Variants in RBPJ observed in about 807,000 individuals in gnomAD.
RBPJ encodes recombining binding protein suppressor of hairless.
In RBPJ, 9 loss-of-function variants were observed where a neutral mutation model predicts 67.8. The ratio of observed to expected loss-of-function variants is 0.13; its 90% CI spans 0.08 to 0.23. RBPJ has a LOEUF of 0.23. RBPJ is among the 10% of genes least tolerant of loss of function. The probability of loss-of-function intolerance (pLI) is 1.00; values close to 1 mark genes in which losing one functional copy is unlikely to be tolerated. For synonymous variants in RBPJ, 198 were observed against 203.3 expected (o/e 0.97, Z 0.22); for missense variants, 305 against 595.6 (o/e 0.51, Z 5.08).
chr4:26,215,876 G>C (rs1718708516), intron 1 of RBPJ, among the ~76,000 whole-genome samples: 1 of 152,150 alleles, frequency 6.6e-6, no homozygotes, highest in Admixed American at 6.6e-5. Context: ...CACATTGGGG[G>C]TGAGGGGCAT....
chr4:26,220,513 C>G (rs1718865865), intron 1 of RBPJ, among the ~76,000 whole-genome samples: 1 of 152,090 alleles, frequency 6.6e-6, no homozygotes, highest in Admixed American at 6.5e-5. Flanking sequence ...AATCCATGCC[C>G]GGACAGAGTT....
chr4:26,299,146 T>G (rs1721984824), intron 1 of RBPJ, among the ~76,000 whole-genome samples: 1 of 152,310 alleles, frequency 6.6e-6, no homozygotes, highest in Non-Finnish European at 1.5e-5. Flanking sequence ...CAGAGCCAAC[T>G]AAGAAGATGG....
At chr4:26,335,870 GC>G (rs1424456223) in intron 1 of RBPJ, among the ~76,000 whole-genome samples, 1 of 151,624 alleles carries the variant, frequency 6.6e-6, no homozygotes, top group Admixed American at 6.6e-5. Context: ...TGATCCACCC[GC>G]CTCGGCCTCC....
the RBPJ span, chr4:26,113,450 CT>C: frequency 1.8e-6 from 1 of 552,724 alleles, no homozygotes; most frequent in Non-Finnish European, 3.5e-6. Flanking sequence ...GAAACCACAC[CT>C]TACCAACCAT....
At chr4:26,250,090 G>A (rs536895628) in intron 1 of RBPJ, among the ~76,000 whole-genome samples, 2 of 150,390 alleles carry the variant, frequency 1.3e-5, no homozygotes, top group East Asian at 2.0e-4. Flanking sequence ...CTGGCCTTCC[G>A]AACTTTTTCA....
intron 1 of RBPJ, among the ~76,000 whole-genome samples, chr4:26,256,854 G>A (rs10025146): frequency 0.95 from 145,260 of 152,320 alleles, 69,329 homozygotes; most frequent in East Asian, 0.99. Context: ...AGAAAGATCA[G>A]ATGACCAGGC....
rs529888536 is a variant in RBPJ at position 26,264,666 on chromosome 4, G to C, written c.-166-97780G>C. Among the ~76,000 whole-genome samples, 17 of 152,138 alleles carry C rather than the reference G, an allele frequency of 1.1e-4. No individual in the cohort carries two copies. In the South Asian group the frequency reaches 2.9e-3, roughly 26 times the overall value. ...TAGCCACACTGAAACACTGGCACTC[G>C]TCCCAAAAGCACCATGCCCTTGACC... is the stretch of plus-strand genomic sequence containing the variant. On this transcript the variant is annotated intron_variant, in intron 1 of 4. Coordinates refer to the RBPJ transcript ENST00000512351. The surrounding 1 kb of genome is among the most constrained non-coding windows in gnomAD (Gnocchi z 4.1).
intron 1 of RBPJ, among the ~76,000 whole-genome samples, chr4:26,338,250 G>C (rs533504810): frequency 1.3e-5 from 2 of 150,526 alleles, no homozygotes; most frequent in African/African-American, 4.9e-5. Flanking sequence ...CTGCCTCCCG[G>C]ATTCAAGCAA....
chr4:26,131,375 T>C, the RBPJ span, among the ~76,000 whole-genome samples: 65 of 152,124 alleles, frequency 4.3e-4, 1 homozygote, highest in East Asian at 7.5e-3. Flanking sequence ...AAAGAGAAAA[T>C]ATCAAGTATT....
At chr4:26,126,922 G>C in the RBPJ span, among the ~76,000 whole-genome samples, 1 of 152,220 alleles carries the variant, frequency 6.6e-6, no homozygotes, top group East Asian at 1.9e-4. Flanking sequence ...CATGGACTGA[G>C]CTTAAAAGGT....
intron 1 of RBPJ, among the ~76,000 whole-genome samples, chr4:26,359,173 G>A (rs1727736292): frequency 6.6e-6 from 1 of 152,086 alleles, no homozygotes; most frequent in African/African-American, 2.4e-5. Flanking sequence ...TTTATTAAAT[G>A]TATTTTAAAA....
At chr4:26,231,075 A>G (rs1399483291) in intron 1 of RBPJ, among the ~76,000 whole-genome samples, 2 of 152,176 alleles carry the variant, frequency 1.3e-5, no homozygotes, top group Non-Finnish European at 2.9e-5. Flanking sequence ...ATGTGGAGGT[A>G]GAAGAAACAG....
chr4:26,338,881 G>C (rs1483674162), intron 1 of RBPJ, among the ~76,000 whole-genome samples: 6 of 151,160 alleles, frequency 4.0e-5, no homozygotes. Flanking sequence ...GGGTGTGTGT[G>C]TGTGTGTTTG....
chr4:26,327,167 T>C (rs1322762177), intron 1 of RBPJ, among the ~76,000 whole-genome samples: 1 of 152,176 alleles, frequency 6.6e-6, no homozygotes, highest in Non-Finnish European at 1.5e-5. Flanking sequence ...TCATTAGACC[T>C]GCTGCTTAAG....
intron 1 of RBPJ, among the ~76,000 whole-genome samples, chr4:26,177,956 C>T (rs1022765759): frequency 6.6e-6 from 1 of 152,182 alleles, no homozygotes; most frequent in Admixed American, 6.5e-5. Flanking sequence ...ATAAACACTT[C>T]CCTCACATCA....
the RBPJ span, among the ~76,000 whole-genome samples, chr4:26,122,131 C>T: frequency 6.6e-6 from 1 of 152,192 alleles, no homozygotes; most frequent in Non-Finnish European, 1.5e-5. Context: ...AGGATGCAAG[C>T]TCTGGCCTTC....
At chr4:26,209,559 C>T (rs1435817327) in intron 1 of RBPJ, among the ~76,000 whole-genome samples, 1 of 118,612 alleles carries the variant, frequency 8.4e-6, no homozygotes, top group Non-Finnish European at 1.9e-5. Flanking sequence ...CCTTCCCTGT[C>T]TCCCTCCCTT....
intron 1 of RBPJ, among the ~76,000 whole-genome samples, chr4:26,239,941 CTTGTAAAGGATGTT>C (rs1719579638): frequency 6.6e-6 from 1 of 152,048 alleles, no homozygotes; most frequent in African/African-American, 2.4e-5. Flanking sequence ...CAAAATTTTT[CTTGTAAAGGATGTT>C]TTATAAAGAA....
chr4:26,244,417 A>ATGTGTACGCATG, intron 1 of RBPJ, among the ~76,000 whole-genome samples: 2 of 44,458 alleles, frequency 4.5e-5, no homozygotes, highest in African/African-American at 1.3e-4. Context: ...GTGTATACAT[A>ATGTGTACGCATG]TGTGTGTATA....
Sources: allele counts gnomAD v4.1 joint callset (sites outside exome capture counted in the v4.1 genomes callset), GRCh38; gene constraint gnomAD v4.1.1; non-coding constraint Gnocchi (gnomAD v3.1); transcripts MANE v1.5; gene names NCBI Gene and HGNC (gene_info 2026-07-23, HGNC 2026-07-21).